Variants in DARS2 observed in about 807,000 individuals in gnomAD.
The protein encoded by DARS2 is aspartyl-tRNA synthetase 2, mitochondrial, also known as aspartate--tRNA ligase, mitochondrial.
In DARS2, 63 loss-of-function variants were observed where a neutral mutation model predicts 83.0. The observed-to-expected ratio is 0.76, with a 90% confidence interval of 0.62 to 0.94. DARS2 has a LOEUF of 0.94. Among genes scored for constraint, DARS2 ranks in the 40% least tolerant of loss-of-function variants. The pLI is 0.00. For missense variants in DARS2, 675 were observed against 774.4 expected (o/e 0.87, Z 1.52); for synonymous variants, 250 against 269.3 (o/e 0.93, Z 0.70).
Position 173,853,852 on chromosome 1 carries a change from A to G in DARS2, c.1621A>G (p.Ile541Val). 1 of 1,614,212 alleles carries G rather than the reference A, an allele frequency of 6.2e-7. No homozygotes were observed. The highest frequency in any genetic ancestry group is 2.2e-5 in the East Asian group (1 of 44,884). Reference protein sequence around the residue: ...LNGNEIGGGSIRIHNAELQRY... With the variant: ...LNGNEIGGGSVRIHNAELQRY... ...TGGCAATGAAATAGGAGGTGGTTCAATTCGAATTCACAATGCAGAGCTGCA... is the reference window on the plus strand; with the variant it reads ...TGGCAATGAAATAGGAGGTGGTTCAGTTCGAATTCACAATGCAGAGCTGCA... The change falls in exon 15 of 17, where the codon ATT becomes GTT. Residue 541 changes from isoleucine (I) to valine (V), a missense_variant. Coordinates refer to ENST00000649689, the MANE Select transcript of DARS2 (RefSeq NM_018122.5).
chr1:173,826,104 G>T (rs1480242917), intron 1 of DARS2, among the ~76,000 whole-genome samples: 1 of 151,654 alleles, frequency 6.6e-6, no homozygotes, highest in Non-Finnish European at 1.5e-5. Flanking sequence ...GGCGCCTGTA[G>T]TCCCCGCTGC....
intron 9 of DARS2, among the ~76,000 whole-genome samples, chr1:173,838,770 C>T (rs1653101439): frequency 6.6e-6 from 1 of 152,080 alleles, no homozygotes; most frequent in African/African-American, 2.4e-5. Flanking sequence ...GAGTCTCGCT[C>T]TGTCTCCCAG....
chr1:173,845,001 T>C (rs1307111062), intron 11 of DARS2, among the ~76,000 whole-genome samples: 6 of 151,680 alleles, frequency 4.0e-5, no homozygotes, highest in Admixed American at 4.0e-4. Context: ...ACCATGTTGG[T>C]CGGGCTGGTT....
At chr1:173,854,750 GAA>G (rs1281339861) in intron 15 of DARS2, among the ~76,000 whole-genome samples, 1 of 152,210 alleles carries the variant, frequency 6.6e-6, no homozygotes, top group Non-Finnish European at 1.5e-5. Context: ...TAATGTTAGA[GAA>G]AGAGAGAGAA....
chr1:173,847,955 C>T (rs899119572), intron 12 of DARS2, among the ~76,000 whole-genome samples: 1 of 151,384 alleles, frequency 6.6e-6, no homozygotes, highest in African/African-American at 2.4e-5. Context: ...CAGGTTCACG[C>T]CGTTCTTCTG....
chr1:173,850,516 T>C (rs1653616233), intron 13 of DARS2, 37 bp downstream of exon 13: 1 of 1,603,494 alleles, frequency 6.2e-7, no homozygotes, highest in African/African-American at 1.3e-5. Flanking sequence ...GTGCTGTTGA[T>C]GCTGAACAAT....
intron 13 of DARS2, 123 bp downstream of exon 13, chr1:173,850,602 A>C: frequency 9.1e-7 from 1 of 1,100,210 alleles, no homozygotes; most frequent in Non-Finnish European, 1.3e-6. Flanking sequence ...GCTCTGCATA[A>C]ATCTTTTTTT....
intron 7 of DARS2, among the ~76,000 whole-genome samples, chr1:173,834,754 TTTTGGTTTGTTTTGGGTTTTTTTTTTTG>T (rs1652928672): frequency 1.6e-5 from 2 of 128,570 alleles, no homozygotes; most frequent in African/African-American, 6.0e-5. Flanking sequence ...TTTTTTTTTT[TTTTGGTTTGTTTTGGGTTTTTTTTTTTG>T]TTTTTTTTTT....
chr1:173,838,365 T>G (rs575568361), intron 9 of DARS2, 106 bp downstream of exon 9: 1 of 815,014 alleles, frequency 1.2e-6, no homozygotes, highest in Non-Finnish European at 2.0e-6. Context: ...TTACATTTTA[T>G]CCATCAGATA....
rs539292538 is a variant in DARS2 at position 173,832,785 on chromosome 1, A to G, written c.493-591A>G. On this transcript the variant is annotated intron_variant, in intron 5 of 16. Transcript: ENST00000649689. ...CTCCATCTCAAAAAAAAAAAAAAAA[A>G]AGAGAGAGAAAATAAGCAAACTATT... Among the ~76,000 whole-genome samples the G allele has an allele frequency of 2.2e-3, 326 of 150,944 alleles. 2 individuals carry two copies. Among genetic ancestry groups the G allele is most frequent in the African/African-American group, 6.7e-3 (272 of 40,832 alleles).
At chr1:173,831,464 A>G (rs2102639226) in intron 4 of DARS2, 71 bp from the exon 5 acceptor site, 1 of 1,098,286 alleles carries the variant, frequency 9.1e-7, no homozygotes, top group South Asian at 1.2e-5. Context: ...AAATGCATAG[A>G]TTCTACAAAT....
At chr1:173,857,363 A>C (rs1041220874) in intron 16 of DARS2, among the ~76,000 whole-genome samples, 155 bp from the exon 17 acceptor site, 2 of 152,208 alleles carry the variant, frequency 1.3e-5, no homozygotes, top group African/African-American at 4.8e-5. Flanking sequence ...CCTCTCAAAC[A>C]AACAAAAGTT....
chr1:173,830,561 CTG>C (rs1468605626), intron 3 of DARS2, 97 bp from the exon 4 acceptor site: 1 of 965,422 alleles, frequency 1.0e-6, no homozygotes, highest in African/African-American at 1.6e-5. Flanking sequence ...GGTAATTAAG[CTG>C]TGACTATTAA....
rs55949406 is a variant in DARS2, at chr1:173,825,449, CATTATTATTATT to C, written c.127+118_127+129del. ...TTATTCCATTTTTCATTTTTTCCCC[CATTATTATTATT>C]ATTATTATTATTATTATTATTATTT... On this transcript the variant is annotated intron_variant, in intron 1 of 16. Coordinates refer to ENST00000649689, the MANE Select transcript of DARS2 (RefSeq NM_018122.5). 3,656 of 461,408 alleles carry C rather than the reference CATTATTATTATT, an allele frequency of 7.9e-3. 13 individuals carry two copies. The highest frequency in any genetic ancestry group is 0.013 in the Middle Eastern group (16 of 1,276). The allele number at this position is 461,408 out of a possible 1,614,324, so 28.6% of individuals were successfully genotyped here. A position where few individuals can be genotyped will look rare whatever the true frequency, so the allele number is the denominator to read the frequency against.
chr1:173,839,744 A>G (rs145032189), intron 10 of DARS2, among the ~76,000 whole-genome samples, 198 bp downstream of exon 10: 63 of 152,360 alleles, frequency 4.1e-4, no homozygotes, highest in African/African-American at 1.5e-3. Context: ...TCATGTTCCA[A>G]GATCCATTTC....
At chr1:173,853,588 A>C (rs552558829) in intron 14 of DARS2, 21 bp downstream of exon 14, 1 of 1,612,968 alleles carries the variant, frequency 6.2e-7, no homozygotes, top group African/African-American at 1.3e-5. Context: ...TATACTTCCA[A>C]ATCAAAAGGA....
chr1:173,846,880 G>A (rs375756729), intron 12 of DARS2, among the ~76,000 whole-genome samples: 213 of 152,150 alleles, frequency 1.4e-3, no homozygotes, highest in Middle Eastern at 0.01. Flanking sequence ...ATAATCAAAG[G>A]AATTAATATT....
At chr1:173,834,770 G>GGTTTT (rs1652934747) in intron 7 of DARS2, among the ~76,000 whole-genome samples, 1 of 31,136 alleles carries the variant, frequency 3.2e-5, no homozygotes, top group African/African-American at 1.7e-4. Context: ...TTTGTTTTGG[G>GGTTTT]TTTTTTTTTT....
chr1:173,835,809 T>G (rs950922628), intron 7 of DARS2, among the ~76,000 whole-genome samples: 1 of 151,972 alleles, frequency 6.6e-6, no homozygotes, highest in African/African-American at 2.4e-5. Flanking sequence ...ATCCCAGTAC[T>G]TTGGGAGGCC....
Sources: gnomAD v4.1 joint callset for allele counts (sites outside exome capture counted in the v4.1 genomes callset) on GRCh38, gnomAD v4.1.1 for gene constraint, MANE v1.5 for transcripts, NCBI Gene and HGNC (gene_info 2026-07-23, HGNC 2026-07-21) for gene names.